GRID2: variants seen among roughly 807,000 people sequenced by gnomAD.
GRID2 encodes glutamate receptor ionotropic, delta-2.
A neutral mutation model predicts 114.8 loss-of-function variants in GRID2; 33 were observed. The observed-to-expected ratio is 0.29, with a 90% CI of 0.22 to 0.38. The LOEUF (loss-of-function observed/expected upper bound fraction) is 0.38, where lower values mean the gene tolerates loss of function less well. Among genes scored for constraint, GRID2 ranks in the 10% least tolerant of loss-of-function variants. The pLI, the probability that GRID2 is intolerant of heterozygous loss-of-function variation, is 1.00. For missense variants in GRID2, 1,184 were observed against 1,257.7 expected (o/e 0.94, Z 0.89); for synonymous variants, 505 against 449.9 (o/e 1.12, Z -1.55).
At chr4:92,871,142 T>G (rs1385863135) in intron 2 of GRID2, among the ~76,000 whole-genome samples, 1 of 152,148 alleles carries the variant, frequency 6.6e-6, no homozygotes, top group East Asian at 1.9e-4. Context: ...AAACAAAAAG[T>G]CTTCTCTCCT....
chr4:92,941,522 C>T (rs1028489066), intron 2 of GRID2, among the ~76,000 whole-genome samples: 6 of 152,104 alleles, frequency 3.9e-5, no homozygotes, highest in African/African-American at 1.4e-4. Flanking sequence ...AAAACCAGCT[C>T]CTGGATTCAT....
intron 1 of GRID2, among the ~76,000 whole-genome samples, chr4:93,782,492 A>G (rs1232394894): frequency 6.6e-6 from 1 of 152,184 alleles, no homozygotes; most frequent in African/African-American, 2.4e-5. Context: ...CCACTAACAC[A>G]GTTAAGAGTA....
chr4:93,333,313 G>A (rs1252909287), intron 8 of GRID2, among the ~76,000 whole-genome samples: 4 of 152,148 alleles, frequency 2.6e-5, no homozygotes. Context: ...CATACTAGGT[G>A]ATGTTGATGC....
At position 92,611,082 on chromosome 4, in the gene GRID2, GTGTATA is replaced by G. The variant is rs1560488022; in HGVS notation, c.244+20798_244+20803del. On this transcript the variant is annotated intron_variant, in intron 2 of 15. Transcript: ENST00000282020. The stretch of plus-strand genomic sequence containing the variant: ...TATGTGTGTGTGTATATATATATGT[GTGTATA>G]TATATGTGTGTGTGTATATGTGTGT... Among the ~76,000 whole-genome samples, 76 of 136,572 alleles carry G rather than the reference GTGTATA, an allele frequency of 5.6e-4. 1 individual carries two copies. Among genetic ancestry groups the G allele is most frequent in the East Asian group, 3.6e-3 (15 of 4,214 alleles). 89.6% of individuals were successfully genotyped at this position (136,572 alleles called of 152,430 possible).
chr4:93,007,284 G>A (rs1361361057), intron 2 of GRID2, among the ~76,000 whole-genome samples: 1 of 151,904 alleles, frequency 6.6e-6, no homozygotes, highest in Non-Finnish European at 1.5e-5. Flanking sequence ...ATGTTGAAAA[G>A]TCACATTTTG....
intron 1 of GRID2, among the ~76,000 whole-genome samples, chr4:92,440,176 A>G (rs1408217563): frequency 6.8e-6 from 1 of 146,242 alleles, no homozygotes; most frequent in Admixed American, 6.8e-5. Context: ...GTGTGTTTTT[A>G]AAAGACCTTT....
intron 14 of GRID2, among the ~76,000 whole-genome samples, chr4:93,646,919 G>T (rs1722164660): frequency 6.6e-6 from 1 of 152,140 alleles, no homozygotes; most frequent in Non-Finnish European, 1.5e-5. Flanking sequence ...CCCAAAGTAG[G>T]TTAACAAACA....
At chr4:93,532,619 T>C (rs908962629) in intron 13 of GRID2, among the ~76,000 whole-genome samples, 34 of 152,194 alleles carry the variant, frequency 2.2e-4, no homozygotes, top group African/African-American at 6.5e-4. Context: ...TATCAGCTTA[T>C]CAACTCAAAA....
chr4:92,741,175 G>A (rs1169282707), intron 2 of GRID2, among the ~76,000 whole-genome samples: 1 of 152,100 alleles, frequency 6.6e-6, no homozygotes, highest in Non-Finnish European at 1.5e-5. Flanking sequence ...TAAGTCCCAT[G>A]AATTTCCGGT....
intron 8 of GRID2, among the ~76,000 whole-genome samples, chr4:93,295,512 T>C (rs1025856721): frequency 3.3e-5 from 5 of 152,190 alleles, no homozygotes; most frequent in African/African-American, 1.2e-4. Flanking sequence ...CAGGGCAGGC[T>C]GTCAAGAATG....
At chr4:93,611,292 G>GT (rs1474219536) in intron 13 of GRID2, among the ~76,000 whole-genome samples, 3,560 of 112,176 alleles carry the variant, frequency 0.032, 203 homozygotes, top group African/African-American at 0.12. Flanking sequence ...TTTTTTGAAG[G>GT]TTTTTTTGTG....
intron 10 of GRID2, among the ~76,000 whole-genome samples, chr4:93,438,278 G>C (rs1413031677): frequency 1.3e-5 from 2 of 152,096 alleles, no homozygotes; most frequent in African/African-American, 4.8e-5. Flanking sequence ...AATACATACA[G>C]GGTGCCATGG....
At chr4:92,940,701 G>T (rs1322348767) in intron 2 of GRID2, among the ~76,000 whole-genome samples, 3 of 151,972 alleles carry the variant, frequency 2.0e-5, no homozygotes, top group African/African-American at 4.8e-5. Flanking sequence ...ATTGGCTGTG[G>T]GTTTGTCATA....
chr4:92,787,085 A>G (rs1214822477), intron 2 of GRID2, among the ~76,000 whole-genome samples: 3 of 151,952 alleles, frequency 2.0e-5, no homozygotes, highest in Admixed American at 1.3e-4. Context: ...TCAATACTGC[A>G]TCTGAATAAC....
intron 1 of GRID2, among the ~76,000 whole-genome samples, chr4:92,399,343 C>G (rs953779944): frequency 6.6e-6 from 1 of 152,066 alleles, no homozygotes; most frequent in African/African-American, 2.4e-5. Context: ...AAGCAGTTCC[C>G]GTCTTCCTTC....
At chr4:92,475,640 G>C (rs533766676) in intron 1 of GRID2, among the ~76,000 whole-genome samples, 1 of 151,958 alleles carries the variant, frequency 6.6e-6, no homozygotes, top group South Asian at 2.1e-4. Flanking sequence ...GTCTAAGATT[G>C]CTTTGGCTAC....
intron 1 of GRID2, among the ~76,000 whole-genome samples, chr4:92,444,543 G>A (rs79465875): frequency 6.6e-6 from 1 of 152,098 alleles, no homozygotes; most frequent in Non-Finnish European, 1.5e-5. Context: ...GTTAAGGTGG[G>A]GCAGGGCATA....
At chr4:92,981,420 T>C (rs1024290577) in intron 2 of GRID2, among the ~76,000 whole-genome samples, 8 of 152,062 alleles carry the variant, frequency 5.3e-5, no homozygotes, top group African/African-American at 1.4e-4. Context: ...AATTGTACAC[T>C]TGAGTAATTC....
At chr4:93,412,994 C>G (rs376203249) in intron 9 of GRID2, among the ~76,000 whole-genome samples, 1 of 152,134 alleles carries the variant, frequency 6.6e-6, no homozygotes, top group African/African-American at 2.4e-5. Context: ...TTCAGTATAT[C>G]ATTGATGGGC....
Sources: gnomAD v4.1 joint callset for allele counts (sites outside exome capture counted in the v4.1 genomes callset) on GRCh38, gnomAD v4.1.1 for gene constraint, MANE v1.5 for transcripts, NCBI Gene and HGNC (gene_info 2026-07-23, HGNC 2026-07-21) for gene names.